Variants in GRID2 observed in about 807,000 individuals in gnomAD.
GRID2 encodes the protein glutamate ionotropic receptor delta type subunit 2.
A neutral mutation model predicts 114.8 loss-of-function variants in GRID2; 33 were observed. That is an observed-to-expected ratio of 0.29 (90% confidence interval 0.22 to 0.38). The LOEUF is 0.38. GRID2 is among the 10% of genes least tolerant of loss of function. The pLI, the probability that GRID2 is intolerant of heterozygous loss-of-function variation, is 1.00. For synonymous variants in GRID2, 505 were observed against 449.9 expected (o/e 1.12, Z -1.55); for missense variants, 1,184 against 1,257.7 (o/e 0.94, Z 0.89).
At position 92,658,511 on chromosome 4, in the gene GRID2, T is replaced by C. The variant is rs572210685; in HGVS notation, c.244+68225T>C. On this transcript the variant is annotated intron_variant, in intron 2 of 15. Transcript: ENST00000282020. ...GTCTGGCCCAGACAGCATTTGTGTT[T>C]GGAAGAGCTAAGCAAATCACATTAA... is the stretch of plus-strand genomic sequence containing the variant. Among the ~76,000 whole-genome samples, 13 of 151,856 alleles carry C rather than the reference T, an allele frequency of 8.6e-5. No individual in the cohort carries two copies. In the South Asian group the frequency reaches 1.7e-3, roughly 19 times the overall value.
Position 92,492,233 on chromosome 4 carries a change from ACT to A in GRID2, c.89-97895_89-97894del, listed in dbSNP as rs1197619788. On this transcript the variant is annotated intron_variant, in intron 1 of 15. Coordinates refer to ENST00000282020, the MANE Select transcript of GRID2 (RefSeq NM_001510.4). ...CTATGAGTATATTCTGGAAAGAAAGACTCTACCGAACTGTCAAGAGCAATTCT... is the reference window on the plus strand; with the variant it reads ...CTATGAGTATATTCTGGAAAGAAAGACTACCGAACTGTCAAGAGCAATTCT... 5.9e-5 allele frequency among the ~76,000 whole-genome samples: 9 copies of A among 152,174 alleles called. No homozygotes were observed. The South Asian group carries it at 1.7e-3, about 28-fold the overall frequency.
chr4:92,859,246 T>C (rs985218847), intron 2 of GRID2, among the ~76,000 whole-genome samples: 5 of 152,198 alleles, frequency 3.3e-5, no homozygotes, highest in African/African-American at 1.2e-4. Flanking sequence ...TATGACTGGC[T>C]GAATGCACAA....
chr4:92,594,338 T>C (rs1728848788), intron 2 of GRID2, among the ~76,000 whole-genome samples: 1 of 151,958 alleles, frequency 6.6e-6, no homozygotes, highest in African/African-American at 2.4e-5. Context: ...AAAGACCAGT[T>C]ACATTATATA....
chr4:92,810,439 A>G (rs1473617398), intron 2 of GRID2, among the ~76,000 whole-genome samples: 3 of 152,066 alleles, frequency 2.0e-5, no homozygotes, highest in Non-Finnish European at 4.4e-5. Context: ...CAGTTCGTCT[A>G]TTTAACTAAA....
At chr4:92,834,986 G>A (rs540026884) in intron 2 of GRID2, among the ~76,000 whole-genome samples, 16 of 152,216 alleles carry the variant, frequency 1.1e-4, no homozygotes, top group East Asian at 3.9e-4. Flanking sequence ...GTTAGCATGG[G>A]TTGAATACCT....
At chr4:93,726,946 C>T (rs1194658906) in intron 14 of GRID2, among the ~76,000 whole-genome samples, 1 of 152,216 alleles carries the variant, frequency 6.6e-6, no homozygotes, top group African/African-American at 2.4e-5. Context: ...GACAATTTGA[C>T]TTCCTCTTTT....
intron 8 of GRID2, among the ~76,000 whole-genome samples, chr4:93,253,173 G>A (rs575751184): frequency 2.8e-4 from 43 of 151,828 alleles, no homozygotes; most frequent in African/African-American, 6.8e-4. Flanking sequence ...GGAGAATGGC[G>A]TGAACCCGGG....
chr4:93,649,965 C>T (rs1185716295), intron 14 of GRID2, among the ~76,000 whole-genome samples: 3 of 152,052 alleles, frequency 2.0e-5, no homozygotes, highest in Non-Finnish European at 4.4e-5. Flanking sequence ...AAGTTTCCTC[C>T]CCCAGCTCAC....
intron 2 of GRID2, among the ~76,000 whole-genome samples, chr4:92,744,795 A>G (rs779444233): frequency 1.3e-5 from 2 of 152,170 alleles, no homozygotes; most frequent in African/African-American, 2.4e-5. Flanking sequence ...GTTCTACTGT[A>G]TAATGTTTTG....
At chr4:93,561,071 T>A (rs963915908) in intron 13 of GRID2, among the ~76,000 whole-genome samples, 2 of 152,116 alleles carry the variant, frequency 1.3e-5, no homozygotes, top group African/African-American at 4.8e-5. Context: ...ATTTTTTAAA[T>A]GATATGATGT....
At chr4:93,210,472 T>C (rs931008628) in intron 5 of GRID2, among the ~76,000 whole-genome samples, 10 of 152,186 alleles carry the variant, frequency 6.6e-5, no homozygotes, top group Admixed American at 2.6e-4. Context: ...ACCAGTATCA[T>C]GCTGTTTTGG....
intron 2 of GRID2, among the ~76,000 whole-genome samples, chr4:92,730,856 C>T (rs1242841831): frequency 6.6e-6 from 1 of 151,868 alleles, no homozygotes; most frequent in African/African-American, 2.4e-5. Context: ...GTAAATTATT[C>T]AGAAATCTAA....
At chr4:93,027,828 A>G (rs982814775) in intron 2 of GRID2, among the ~76,000 whole-genome samples, 3 of 152,158 alleles carry the variant, frequency 2.0e-5, no homozygotes, top group Admixed American at 6.6e-5. Flanking sequence ...TTGTTAATAT[A>G]AAAGTTATTT....
At chr4:93,337,234 T>G (rs1212129135) in intron 8 of GRID2, among the ~76,000 whole-genome samples, 5 of 152,220 alleles carry the variant, frequency 3.3e-5, no homozygotes, top group Non-Finnish European at 7.3e-5. Context: ...TTTTAAACAT[T>G]TTGAAAGGTT....
chr4:92,583,988 G>A (rs62310108), intron 1 of GRID2, among the ~76,000 whole-genome samples: 57,068 of 150,500 alleles, frequency 0.38, 10,793 homozygotes, highest in Middle Eastern at 0.45. Context: ...TGAAATAGTA[G>A]CTGATACTAT....
chr4:92,748,698 G>A (rs1737282486), intron 2 of GRID2, among the ~76,000 whole-genome samples: 1 of 148,800 alleles, frequency 6.7e-6, no homozygotes, highest in Admixed American at 6.7e-5. Flanking sequence ...GTTTCACTCT[G>A]TTGCCCAGGC....
At chr4:93,459,262 G>A (rs561808928) in intron 11 of GRID2, among the ~76,000 whole-genome samples, 24 of 149,884 alleles carry the variant, frequency 1.6e-4, no homozygotes, top group Non-Finnish European at 2.8e-4. Flanking sequence ...CAGAAAAAGA[G>A]TGAAAACATA....
chr4:93,684,204 G>T (rs1221115035), intron 14 of GRID2, among the ~76,000 whole-genome samples: 1 of 151,966 alleles, frequency 6.6e-6, no homozygotes, highest in Non-Finnish European at 1.5e-5. Flanking sequence ...TTCCAAATTT[G>T]TAGTAGTAAA....
chr4:92,323,339 G>T (rs1014418804), intron 1 of GRID2, among the ~76,000 whole-genome samples: 5 of 151,972 alleles, frequency 3.3e-5, no homozygotes, highest in Non-Finnish European at 7.4e-5. Flanking sequence ...ATATTGTCTT[G>T]CATTTTTGAA....
Sources: allele counts gnomAD v4.1 joint callset (sites outside exome capture counted in the v4.1 genomes callset), GRCh38; gene constraint gnomAD v4.1.1; transcripts MANE v1.5; gene names NCBI Gene and HGNC (gene_info 2026-07-23, HGNC 2026-07-21).